HMGCL: variants seen among roughly 807,000 people sequenced by gnomAD.
The protein encoded by HMGCL is hydroxymethylglutaryl-CoA lyase, mitochondrial.
Under a neutral mutation model 37.3 loss-of-function variants are expected in HMGCL, and 26 were observed. The ratio of observed to expected loss-of-function variants is 0.70; its 90% confidence interval spans 0.51 to 0.97. The LOEUF (loss-of-function observed/expected upper bound fraction) is 0.97. Ranked by LOEUF, HMGCL falls within the 50% of genes least tolerant of loss-of-function variation. The pLI is 0.00. For missense variants in HMGCL, 379 were observed against 398.1 expected (o/e 0.95, Z 0.41); for synonymous variants, 151 against 148.0 (o/e 1.02, Z -0.15).
chr1:23,807,989 G>T, intron 7 of HMGCL, 146 bp downstream of exon 7: 1 of 711,018 alleles, frequency 1.4e-6, no homozygotes, highest in Non-Finnish European at 2.5e-6. Flanking sequence ...CTTCACATCT[G>T]GGCAGGGTCA....
intron 5 of HMGCL, among the ~76,000 whole-genome samples, chr1:23,812,930 C>T (rs1638545952): frequency 6.6e-6 from 1 of 152,086 alleles, no homozygotes; most frequent in Non-Finnish European, 1.5e-5. Context: ...CACTCTGTCA[C>T]CTAGGCTGGA....
At chr1:23,810,991 A>T (rs921409168) in intron 5 of HMGCL, among the ~76,000 whole-genome samples, 192 bp from the exon 6 acceptor site, 1 of 152,102 alleles carries the variant, frequency 6.6e-6, no homozygotes, top group African/African-American at 2.4e-5. Context: ...GAACTGGGGG[A>T]CAATGGACCT....
At chr1:23,819,355 A>C (rs1198888936) in intron 2 of HMGCL, among the ~76,000 whole-genome samples, 2 of 152,230 alleles carry the variant, frequency 1.3e-5, no homozygotes, top group Non-Finnish European at 2.9e-5. Context: ...ATCTTCACAG[A>C]AAGTGCTGGT....
intron 2 of HMGCL, among the ~76,000 whole-genome samples, chr1:23,819,666 T>C (rs953284806): frequency 1.3e-5 from 2 of 151,786 alleles, no homozygotes; most frequent in Non-Finnish European, 2.9e-5. Context: ...GAGGAGGAGG[T>C]TGAGGTGAGC....
At chr1:23,809,677 T>G (rs1474362387) in intron 6 of HMGCL, 1 of 152,152 alleles carries the variant, frequency 6.6e-6, no homozygotes, top group African/African-American at 2.4e-5. Context: ...CATACTGGAA[T>G]AGGGTGGGCC....
rs747820468 is a variant in HMGCL, at chr1:23,820,623, T to C, written c.61-30A>G. The C allele has an allele frequency of 4.4e-5, 66 of 1,501,774 alleles. No homozygotes were observed. The Admixed American group carries it at 1.0e-3, about 24-fold the overall frequency. The allele number at this position is 1,501,774 out of a possible 1,614,324, so 93.0% of individuals were successfully genotyped here. The stretch of plus-strand genomic sequence containing the variant: ...GGTTTAAAAGAGGAAACAAAAAGTA[T>C]GAGGAAGAGATTGCCACAATTCCCA... On this transcript the variant is annotated intron_variant, in intron 1 of 8. Coordinates refer to ENST00000374490, the MANE Select transcript of HMGCL (RefSeq NM_000191.3).
At chr1:23,802,667 G>A in intron 8 of HMGCL, 103 bp from the exon 9 acceptor site, 1 of 822,568 alleles carries the variant, frequency 1.2e-6, no homozygotes, top group Non-Finnish European at 2.1e-6. Flanking sequence ...AAGTAAAGGT[G>A]AAGATAAACA....
intron 7 of HMGCL, chr1:23,807,028 C>T (rs757755581): frequency 1.9e-6 from 1 of 519,008 alleles, no homozygotes; most frequent in Admixed American, 1.9e-5. Context: ...CGTCACACAG[C>T]TCAACCTGTT....
chr1:23,821,479 A>G (rs1366934811), intron 1 of HMGCL, among the ~76,000 whole-genome samples: 1 of 151,978 alleles, frequency 6.6e-6, no homozygotes, highest in Non-Finnish European at 1.5e-5. Flanking sequence ...AACATGATGA[A>G]GAAACCCCGT....
intron 2 of HMGCL, among the ~76,000 whole-genome samples, chr1:23,818,556 A>AT (rs1000815654): frequency 1.1e-4 from 16 of 149,052 alleles, no homozygotes; most frequent in East Asian, 2.0e-4. Context: ...TTTCCACAAA[A>AT]TTTTTTTTTT....
chr1:23,804,884 C>T (rs866483753), intron 7 of HMGCL, among the ~76,000 whole-genome samples: 1 of 129,164 alleles, frequency 7.7e-6, no homozygotes, highest in Non-Finnish European at 1.7e-5. Flanking sequence ...TTACCCCCCC[C>T]CCACTTACCC....
intron 2 of HMGCL, among the ~76,000 whole-genome samples, chr1:23,818,972 C>A (rs1170099061): frequency 2.0e-5 from 2 of 101,184 alleles, no homozygotes; most frequent in African/African-American, 7.8e-5. Flanking sequence ...TTGTTTCCAA[C>A]AAGCACTCAC....
chr1:23,811,729 G>GC (rs1333623586), intron 5 of HMGCL, among the ~76,000 whole-genome samples: 2 of 152,160 alleles, frequency 1.3e-5, no homozygotes, highest in Non-Finnish European at 2.9e-5. Context: ...AGCAAGGTGG[G>GC]CACAGGTCTG....
intron 2 of HMGCL, 48 bp from the exon 3 acceptor site, chr1:23,817,631 A>G (rs1396335929): frequency 8.4e-7 from 1 of 1,190,850 alleles, no homozygotes; most frequent in Non-Finnish European, 1.3e-6. Context: ...GTAACAAAAC[A>G]GCCTCAAAAT....
intron 8 of HMGCL, among the ~76,000 whole-genome samples, chr1:23,803,152 A>T (rs1162435285): frequency 1.3e-5 from 2 of 152,018 alleles, no homozygotes. Context: ...CTCCTGCCTC[A>T]GCCTCCCGAG....
chr1:23,815,367 T>TGAGG (rs1638593819), intron 4 of HMGCL, among the ~76,000 whole-genome samples: 1 of 152,038 alleles, frequency 6.6e-6, no homozygotes, highest in South Asian at 2.1e-4. Context: ...ATAGGACAGA[T>TGAGG]TCTCCCAGAG....
chr1:23,802,199 TTCAAC>T lies in HMGCL; in HGVS notation c.*259_*263del, dbSNP rs1638290522. 1.7e-6 allele frequency: 1 copy of T among 597,070 alleles called. No individual in the cohort carries two copies. Among genetic ancestry groups the T allele is most frequent in the Non-Finnish European group, 3.0e-6 (1 of 335,946 alleles). The allele number at this position is 597,070 out of a possible 1,614,324, so 37.0% of individuals were successfully genotyped here. A position where few individuals can be genotyped will look rare whatever the true frequency, so the allele number is the denominator to read the frequency against. On this transcript the variant is annotated 3_prime_UTR_variant, in exon 9 of 9. Transcript: ENST00000374490. ...CGGGGTTCCCACACGTCCTCAGGCA[TTCAAC>T]TCCTGGGCCAGGGTCCGTAACAAAG...
At chr1:23,815,849 TA>T (rs113198701) in intron 4 of HMGCL, among the ~76,000 whole-genome samples, 75 of 140,138 alleles carry the variant, frequency 5.4e-4, no homozygotes, top group South Asian at 6.9e-4. Flanking sequence ...TTCTCTTAAT[TA>T]AAAAAAAAAA....
Position 23,808,359 on chromosome 1 carries a change from T to C in HMGCL, c.562-36A>G, listed in dbSNP as rs1264975669. 11 of 1,581,764 alleles carry C rather than the reference T, an allele frequency of 7.0e-6. No individual in the cohort carries two copies. In the East Asian group the frequency reaches 2.2e-4, roughly 32 times the overall value. ...AAGCAGGCACTTGGAGGATACAGAA[T>C]CCACCAGCCAGGGGATCCATGCACT... On this transcript the variant is annotated intron_variant, in intron 6 of 8. Coordinates refer to ENST00000374490, the MANE Select transcript of HMGCL (RefSeq NM_000191.3).
Sources: allele counts gnomAD v4.1 joint callset (sites outside exome capture counted in the v4.1 genomes callset), GRCh38; gene constraint gnomAD v4.1.1; transcripts MANE v1.5; gene names NCBI Gene and HGNC (gene_info 2026-07-23, HGNC 2026-07-21).